The following POU6F2 variants were observed in gnomAD, a reference collection of about 807,000 sequenced individuals.
POU6F2 encodes the protein POU domain, class 6, transcription factor 2.
A neutral mutation model predicts 71.3 loss-of-function variants in POU6F2; 31 were observed. The observed-to-expected ratio is 0.43, with a 90% CI of 0.33 to 0.59. POU6F2 has a LOEUF of 0.59. POU6F2 is among the 20% of genes least tolerant of loss of function. POU6F2 has a pLI of 0.04. For synonymous variants in POU6F2, 347 were observed against 355.7 expected, an observed-to-expected ratio of 0.98 and a Z score of 0.27; for missense variants, 783 against 856.8, an observed-to-expected ratio of 0.91 and a Z score of 1.07.
rs774501387 is a variant in POU6F2, at chr7:39,422,004, G to A, written c.1114-11073G>A. Reference sequence around the variant, plus strand: ...AAAGGCTCACGAAGTTGGTCTTTCCGCAAAATGATGGCTTCACCACAGTTG... The same window carrying A: ...AAAGGCTCACGAAGTTGGTCTTTCCACAAAATGATGGCTTCACCACAGTTG... On this transcript the variant is annotated intron_variant, in intron 6 of 9. Coordinates refer to ENST00000518318, the MANE Select transcript of POU6F2 (RefSeq NM_001370959.1). Among the ~76,000 whole-genome samples the A allele has an allele frequency of 6.6e-5, 10 of 152,290 alleles. No homozygotes were observed. In the East Asian group the frequency reaches 1.2e-3, roughly 18 times the overall value.
chr7:39,143,915 A>C (rs534403246), intron 2 of POU6F2, among the ~76,000 whole-genome samples: 1 of 152,220 alleles, frequency 6.6e-6, no homozygotes, highest in Non-Finnish European at 1.5e-5. Context: ...TCAAAAGTTG[A>C]ATCAAGGAAC....
intron 1 of POU6F2, among the ~76,000 whole-genome samples, chr7:39,079,625 C>A (rs528810020): frequency 1.3e-5 from 2 of 152,058 alleles, no homozygotes; most frequent in African/African-American, 4.8e-5. Flanking sequence ...CACTGTTAAA[C>A]GCAGCATTTA....
At chr7:39,074,840 CTTA>C (rs1320111641) in intron 1 of POU6F2, among the ~76,000 whole-genome samples, 1 of 152,254 alleles carries the variant, frequency 6.6e-6, no homozygotes, top group African/African-American at 2.4e-5. Context: ...ATCAAAATTT[CTTA>C]TTATTACTAA....
In POU6F2 at chr7:39,085,978, T is replaced by A. The variant is rs1356194235; in HGVS notation, c.224T>A (p.Leu75Gln). 1.2e-6 allele frequency: 2 copies of A among 1,613,662 alleles called. No individual in the cohort carries two copies. Among genetic ancestry groups the A allele is most frequent in the African/African-American group, 2.7e-5 (2 of 74,892 alleles). The change falls in exon 2 of 10, where the codon CTG becomes CAG. Residue 75 changes from leucine to glutamine, a missense_variant. Around this residue, in one of 2 missense-constraint regions of POU6F2, gnomAD observed 572 missense variants for 572.9 expected, o/e 1.00. Coordinates refer to ENST00000518318, the MANE Select transcript of POU6F2 (RefSeq NM_001370959.1). ...ATSDSELNEP[L>Q]LAPVESNDSE... Reference sequence around the variant, plus strand: ...TCAGACAGCGAGCTGAATGAGCCCCTGCTTGCGCCTGTGGAATCAAATGAC... The same window carrying A: ...TCAGACAGCGAGCTGAATGAGCCCCAGCTTGCGCCTGTGGAATCAAATGAC...
At position 39,335,159 on chromosome 7, in the gene POU6F2, A is replaced by C. The variant is rs185860983; in HGVS notation, c.599-4483A>C. Among the ~76,000 whole-genome samples the C allele has an allele frequency of 5.1e-3, 776 of 151,944 alleles. 5 individuals carry two copies. Among genetic ancestry groups the C allele is most frequent in the African/African-American group, 0.018 (730 of 41,240 alleles). On this transcript the variant is annotated intron_variant, in intron 4 of 9. Coordinates refer to ENST00000518318, the MANE Select transcript of POU6F2 (RefSeq NM_001370959.1). Reference sequence around the variant, plus strand: ...ACTAGTGGTATGAATAACATGTACCATGGCCCTTCTCCACCTCCCTTCCAT... The same window carrying C: ...ACTAGTGGTATGAATAACATGTACCCTGGCCCTTCTCCACCTCCCTTCCAT...
chr7:39,153,913 G>A (rs974096960), intron 2 of POU6F2, among the ~76,000 whole-genome samples: 2 of 152,110 alleles, frequency 1.3e-5, no homozygotes, highest in Non-Finnish European at 2.9e-5. Flanking sequence ...GTGTAAACAT[G>A]GATGACAGCT....
chr7:39,450,466 G>A (rs1268137202), intron 7 of POU6F2, among the ~76,000 whole-genome samples: 1 of 151,452 alleles, frequency 6.6e-6, no homozygotes, highest in Non-Finnish European at 1.5e-5. Context: ...CTTTCCCGGA[G>A]AAGAAAAAAA....
intron 4 of POU6F2, among the ~76,000 whole-genome samples, chr7:39,315,921 G>GT (rs1388714642): frequency 6.6e-6 from 1 of 152,148 alleles, no homozygotes; most frequent in Non-Finnish European, 1.5e-5. Flanking sequence ...AAATTAAATG[G>GT]TTTTTCTTTT....
chr7:39,154,268 G>A (rs1021151273), intron 2 of POU6F2, among the ~76,000 whole-genome samples: 1 of 152,146 alleles, frequency 6.6e-6, no homozygotes, highest in Non-Finnish European at 1.5e-5. Context: ...GCTGCAGCAT[G>A]CGCTTTGGAG....
chr7:38,980,014 T>A (rs1293481426), intron 1 of POU6F2, among the ~76,000 whole-genome samples: 1 of 152,202 alleles, frequency 6.6e-6, no homozygotes. Flanking sequence ...TAGGCTTAAC[T>A]TCTAATTTGT....
chr7:39,040,113 TAC>T lies in POU6F2; in HGVS notation c.106-45745_106-45744del, dbSNP rs1790159647. On this transcript the variant is annotated intron_variant, in intron 1 of 9. Transcript: ENST00000518318. ...GTATTATATATATGTATATATTATA[TAC>T]ATTTATATATATATATATATAAATC... Among the ~76,000 whole-genome samples the T allele has an allele frequency of 1.1e-3, 3 of 2,748 alleles. 1 individual carries two copies. Among genetic ancestry groups the T allele is most frequent in the Admixed American group, 0.011 (2 of 180 alleles). The allele number at this position is 2,748 out of a possible 152,430, so 1.8% of individuals were successfully genotyped here.
intron 2 of POU6F2, among the ~76,000 whole-genome samples, chr7:39,089,688 G>C (rs553876109): frequency 3.3e-5 from 5 of 152,084 alleles, no homozygotes; most frequent in Non-Finnish European, 7.4e-5. Flanking sequence ...CAACTTGGTC[G>C]GGAAAATGAT....
chr7:39,390,961 T>A (rs960038465), intron 5 of POU6F2, among the ~76,000 whole-genome samples: 1 of 152,136 alleles, frequency 6.6e-6, no homozygotes, highest in African/African-American at 2.4e-5. Flanking sequence ...CCTGTTTCAT[T>A]CCCAAACCTT....
intron 1 of POU6F2, among the ~76,000 whole-genome samples, chr7:39,078,526 G>A (rs1257838979): frequency 1.3e-5 from 2 of 152,150 alleles, no homozygotes; most frequent in Non-Finnish European, 2.9e-5. Flanking sequence ...CAAAATGCAG[G>A]GTGAAGGAGT....
rs140843153 is a variant in POU6F2 at position 39,019,531 on chromosome 7, C to A, written c.105+41473C>A. ...CTTTGGGAAATTTCATTCACTACTC[C>A]TTTGATAAATTGCTCACATTCCTTT... On this transcript the variant is annotated intron_variant, in intron 1 of 9. Transcript: ENST00000518318. Among the ~76,000 whole-genome samples, 992 of 152,192 alleles carry A rather than the reference C, an allele frequency of 6.5e-3. 12 individuals are homozygous for A. Among genetic ancestry groups the A allele is most frequent in the African/African-American group, 0.022 (923 of 41,526 alleles).
intron 4 of POU6F2, among the ~76,000 whole-genome samples, chr7:39,276,318 C>T (rs1045045855): frequency 2.0e-5 from 3 of 152,180 alleles, no homozygotes; most frequent in African/African-American, 7.2e-5. Context: ...CCATCACTGG[C>T]CATCAGAGAA....
intron 5 of POU6F2, among the ~76,000 whole-genome samples, chr7:39,391,071 T>C (rs1276960078): frequency 4.6e-5 from 7 of 152,218 alleles, no homozygotes; most frequent in Non-Finnish European, 1.0e-4. Context: ...CTTGCTAACA[T>C]GTATAGCCAC....
chr7:39,003,507 G>C (rs925952201), intron 1 of POU6F2, among the ~76,000 whole-genome samples: 2 of 151,002 alleles, frequency 1.3e-5, no homozygotes, highest in African/African-American at 4.9e-5. Context: ...TTGGGACGCT[G>C]AGGCAGGCGA....
At chr7:39,442,294 T>C (rs969229010) in intron 7 of POU6F2, among the ~76,000 whole-genome samples, 3 of 152,188 alleles carry the variant, frequency 2.0e-5, no homozygotes, top group East Asian at 1.9e-4. Flanking sequence ...CAAAGACTTA[T>C]ACAAATATGT....
Sources: gnomAD v4.1 joint callset for allele counts (sites outside exome capture counted in the v4.1 genomes callset) on GRCh38, gnomAD v4.1.1 for gene constraint, gnomAD v4.1.1 regional missense constraint, MANE v1.5 for transcripts, NCBI Gene and HGNC (gene_info 2026-07-23, HGNC 2026-07-21) for gene names.